Variants in ZNF697 observed in about 807,000 individuals in gnomAD.
The protein encoded by ZNF697 is zinc finger protein 697.
In ZNF697, 23 loss-of-function variants were observed where a neutral mutation model predicts 32.4. The observed-to-expected ratio is 0.71, with a 90% confidence interval of 0.51 to 1.01. The LOEUF (loss-of-function observed/expected upper bound fraction) is 1.01. Ranked by LOEUF, ZNF697 falls within the 50% of genes least tolerant of loss-of-function variation. The pLI, the probability that ZNF697 is intolerant of heterozygous loss-of-function variation, is 0.00. For missense variants in ZNF697, 930 were observed against 794.0 expected (o/e 1.17, Z -2.06); for synonymous variants, 418 against 337.2 (o/e 1.24, Z -2.62).
intron 1 of ZNF697, 40 bp from the exon 2 acceptor site, chr1:119,626,177 G>T: frequency 6.3e-7 from 1 of 1,582,212 alleles, no homozygotes. Flanking sequence ...CGTCAGTCCG[G>T]TCTCATCCCC....
chr1:119,623,516 A>C lies in ZNF697; in HGVS notation c.827T>G (p.Leu276Arg). The C allele has an allele frequency of 6.4e-7, 1 of 1,566,876 alleles. No individual in the cohort carries two copies. Among genetic ancestry groups the C allele is most frequent in the Non-Finnish European group, 8.6e-7 (1 of 1,157,956 alleles). ...CGTGTGCAGGCGCAGGTGGTTGGTCAGGTAGGTGTTGCGGCTGAAGCCCTT... is the reference window on the plus strand; with the variant it reads ...CGTGTGCAGGCGCAGGTGGTTGGTCCGGTAGGTGTTGCGGCTGAAGCCCTT... ...CGKGFSRNTY[L>R]TNHLRLHTGE... Residue 276 changes from leucine (L) to arginine (R), a missense_variant, in exon 3 of 3, where the codon CTG (leucine) becomes CGG (arginine). Physicochemically the swap from Leu to Arg is moderately radical, Grantham distance 102. Coordinates refer to ENST00000421812, the MANE Select transcript of ZNF697 (RefSeq NM_001080470.2).
At position 119,624,091 on chromosome 1, in the gene ZNF697, G is replaced by A. The variant is rs763960112; in HGVS notation, c.252C>T (p.Gly84=). The change falls in exon 3 of 3, where the codon GGC becomes GGT. Residue 84 remains glycine, a synonymous_variant. Coordinates refer to ENST00000421812, the MANE Select transcript of ZNF697 (RefSeq NM_001080470.2). ...CATCCTCTTCCCCACGGACAGAAACGCCTTCTTCCTCACTCAGCTGCCCCT... is the reference window on the plus strand; with the variant it reads ...CATCCTCTTCCCCACGGACAGAAACACCTTCTTCCTCACTCAGCTGCCCCT... ...CTEGQLSEEE[G]VSVRGEEDDQ... 1.9e-6 allele frequency: 3 copies of A among 1,586,598 alleles called. No individual in the cohort carries two copies. The highest frequency in any genetic ancestry group is 2.3e-5 in the East Asian group (1 of 43,896).
chr1:119,625,832 G>T, intron 2 of ZNF697, 43 bp downstream of exon 2: 1 of 1,605,094 alleles, frequency 6.2e-7, no homozygotes, highest in Non-Finnish European at 8.5e-7. Flanking sequence ...AGAAGTAAGT[G>T]TAACTTTGGC....
chr1:119,639,593 T>C (rs1451406745), intron 1 of ZNF697, among the ~76,000 whole-genome samples: 1 of 152,134 alleles, frequency 6.6e-6, no homozygotes, highest in Non-Finnish European at 1.5e-5. Flanking sequence ...AAAGCTCAGA[T>C]TCTGGCCAGG....
rs757270280 is a variant in ZNF697, at chr1:119,624,011, C to T, written c.332G>A (p.Ser111Asn). Reference sequence around the variant, plus strand: ...GTCCTCCCGGAGGCTCCGGGATATGCTGTCAGACTCAGACAGTCCTGGGAA... The same window carrying T: ...GTCCTCCCGGAGGCTCCGGGATATGTTGTCAGACTCAGACAGTCCTGGGAA... Reference protein sequence around the residue: ...AMFPGLSESDSISRSLREDDD... With the variant: ...AMFPGLSESDNISRSLREDDD... The change falls in exon 3 of 3, where the codon AGC (serine) becomes AAC (asparagine). Residue 111 changes from serine (S) to asparagine (N), a missense_variant. Coordinates refer to ENST00000421812, the MANE Select transcript of ZNF697 (RefSeq NM_001080470.2). 10 of 1,613,110 alleles carry T rather than the reference C, an allele frequency of 6.2e-6. No homozygotes were observed. The highest frequency in any genetic ancestry group is 1.3e-5 in the African/African-American group (1 of 74,904).
chr1:119,623,774 A>T lies in ZNF697; in HGVS notation c.569T>A (p.Ile190Asn). ...GAAGCTCTCCCCGCAGTCGGGGCAGATGGTGGGCGCGTCCATGATGCTGGC... is the reference window on the plus strand; with the variant it reads ...GAAGCTCTCCCCGCAGTCGGGGCAGTTGGTGGGCGCGTCCATGATGCTGGC... ...LVASIMDAPT[I>N]CPDCGESFSP... Residue 190 changes from isoleucine to asparagine, a missense_variant, in exon 3 of 3, where the codon ATC becomes AAC. Coordinates refer to ENST00000421812, the MANE Select transcript of ZNF697 (RefSeq NM_001080470.2). 1 of 1,544,972 alleles carries T rather than the reference A, an allele frequency of 6.5e-7. No individual in the cohort carries two copies. The highest frequency in any genetic ancestry group is 8.7e-7 in the Non-Finnish European group (1 of 1,146,494).
chr1:119,648,074 C>T lies in ZNF697; in HGVS notation c.-421G>A, dbSNP rs936382991. ...CCAGCCACAGCCACGCTCCTACCTGCGAGGCGGCTGGCGCGGCGAGGAGCT... is the reference window on the plus strand; with the variant it reads ...CCAGCCACAGCCACGCTCCTACCTGTGAGGCGGCTGGCGCGGCGAGGAGCT... On this transcript the variant is annotated 5_prime_UTR_variant, in exon 1 of 3. Transcript: ENST00000421812. 6.6e-6 allele frequency among the ~76,000 whole-genome samples: 1 copy of T among 152,194 alleles called. No individual in the cohort carries two copies. Among genetic ancestry groups the T allele is most frequent in the African/African-American group, 2.4e-5 (1 of 41,464 alleles).
chr1:119,625,137 CAT>C (rs989410085), intron 2 of ZNF697, among the ~76,000 whole-genome samples: 125 of 152,122 alleles, frequency 8.2e-4, no homozygotes, highest in African/African-American at 2.7e-3. Flanking sequence ...AAAGGCCTCA[CAT>C]GTGCCCTCCT....
At chr1:119,628,576 G>T (rs891598191) in intron 1 of ZNF697, among the ~76,000 whole-genome samples, 1 of 152,194 alleles carries the variant, frequency 6.6e-6, no homozygotes. Flanking sequence ...TAGACTAGGG[G>T]AGGGAGGATT....
In ZNF697 at chr1:119,625,956, T is replaced by C. The variant is rs1187982167; in HGVS notation, c.145A>G (p.Arg49Gly). ...MGSNPHDTNK[R>G]EGHPEPEMGS... Reference sequence around the variant, plus strand: ...ATCTCCGGCTCCGGATGGCCTTCTCTCTTGTTTGTGTCATGTGGATTAGAG... The same window carrying C: ...ATCTCCGGCTCCGGATGGCCTTCTCCCTTGTTTGTGTCATGTGGATTAGAG... Residue 49 changes from arginine (R) to glycine (G), a missense_variant, in exon 2 of 3, where the codon AGA becomes GGA. Arg to Gly is a moderately radical substitution (Grantham distance 125, BLOSUM62 -2). Coordinates refer to ENST00000421812, the MANE Select transcript of ZNF697 (RefSeq NM_001080470.2). The C allele has an allele frequency of 1.1e-5, 17 of 1,613,954 alleles. No homozygotes were observed. The highest frequency in any genetic ancestry group is 1.3e-5 in the African/African-American group (1 of 74,946).
rs1349461528 is a variant in ZNF697 at position 119,626,101 on chromosome 1, C to T, written c.-1G>A. On this transcript the variant is annotated 5_prime_UTR_variant, in exon 2 of 3. It introduces an in-frame stop codon into an upstream open reading frame of the 5' UTR. Coordinates refer to ENST00000421812, the MANE Select transcript of ZNF697 (RefSeq NM_001080470.2). ...CACCCTGATTATCTTCTTGTTTCAT[C>T]CAGGAAGAAAAGAGCAAGGGAGGTG... 14 of 1,613,808 alleles carry T rather than the reference C, an allele frequency of 8.7e-6. No homozygotes were observed. In the East Asian group the frequency reaches 8.9e-5, roughly 10 times the overall value.
chr1:119,631,628 C>G (rs1186262274), intron 1 of ZNF697, among the ~76,000 whole-genome samples: 1 of 152,122 alleles, frequency 6.6e-6, no homozygotes, highest in Non-Finnish European at 1.5e-5. Context: ...CCCGCCAGCC[C>G]CCAGGGCAGA....
intron 1 of ZNF697, among the ~76,000 whole-genome samples, chr1:119,645,873 A>G (rs1264441056): frequency 6.6e-6 from 1 of 152,086 alleles, no homozygotes; most frequent in Non-Finnish European, 1.5e-5. Flanking sequence ...CACTGTAGCT[A>G]TTTTTTTCTT....
intron 1 of ZNF697, among the ~76,000 whole-genome samples, chr1:119,639,535 G>A (rs1428704064): frequency 1.3e-5 from 2 of 152,048 alleles, no homozygotes; most frequent in African/African-American, 4.8e-5. Context: ...CTCAAAGCAT[G>A]GGTTACAGTC....
chr1:119,645,557 C>A (rs347911), intron 1 of ZNF697, among the ~76,000 whole-genome samples: 1 of 151,904 alleles, frequency 6.6e-6, no homozygotes, highest in Non-Finnish European at 1.5e-5. Flanking sequence ...CGGACAGTCA[C>A]GGAGGTAGAA....
chr1:119,645,971 T>C (rs1235322820), intron 1 of ZNF697, among the ~76,000 whole-genome samples: 1 of 152,110 alleles, frequency 6.6e-6, no homozygotes, highest in Non-Finnish European at 1.5e-5. Context: ...CACAGGACAC[T>C]AGTAATTAGG....
Position 119,622,986 on chromosome 1 carries a change from C to A in ZNF697, c.1357G>T (p.Val453Leu), listed in dbSNP as rs770136974. 4 of 1,597,008 alleles carry A rather than the reference C, an allele frequency of 2.5e-6. No homozygotes were observed. In the South Asian group the frequency reaches 4.5e-5, roughly 18 times the overall value. The change falls in exon 3 of 3, where the codon GTG becomes TTG. Residue 453 changes from valine (V) to leucine (L), a missense_variant. Val to Leu is a conservative substitution (Grantham distance 32). Coordinates refer to ENST00000421812, the MANE Select transcript of ZNF697 (RefSeq NM_001080470.2). ...CCGGTGTGCACGCGCAGGTGGTTCA[C>A]CAGGTGCGAGTTACGCCCGAAGCCC... ...GKGFGRNSHL[V>L]NHLRVHTGEK...
intron 1 of ZNF697, among the ~76,000 whole-genome samples, chr1:119,644,729 G>A (rs1027034053): frequency 4.6e-5 from 7 of 152,290 alleles, no homozygotes; most frequent in Admixed American, 1.3e-4. Context: ...AATAAGTGGC[G>A]ACTATTATTG....
At chr1:119,627,241 G>C (rs1332495142) in intron 1 of ZNF697, among the ~76,000 whole-genome samples, 1 of 152,192 alleles carries the variant, frequency 6.6e-6, no homozygotes, top group Non-Finnish European at 1.5e-5. Flanking sequence ...CCTCTTGCTT[G>C]GCTGGGAGCT....
Sources: allele counts gnomAD v4.1 joint callset (sites outside exome capture counted in the v4.1 genomes callset), GRCh38; gene constraint gnomAD v4.1.1; transcripts MANE v1.5; gene names NCBI Gene and HGNC (gene_info 2026-07-23, HGNC 2026-07-21).